COL23A1: variants seen among roughly 807,000 people sequenced by gnomAD.
COL23A1 encodes the protein collagen type XXIII alpha 1 chain.
A neutral mutation model predicts 99.3 loss-of-function variants in COL23A1; 97 were observed. The observed-to-expected ratio is 0.98, with a 90% CI of 0.83 to 1.16. The LOEUF (loss-of-function observed/expected upper bound fraction) is 1.16, where lower values mean the gene tolerates loss of function less well. Ranked by LOEUF, COL23A1 falls within the 50% of genes most tolerant of loss-of-function variation. The pLI, the probability that COL23A1 is intolerant of heterozygous loss-of-function variation, is 0.00. For synonymous variants in COL23A1, 320 were observed against 308.2 expected (o/e 1.04, Z -0.40); for missense variants, 762 against 757.4 (o/e 1.01, Z -0.07).
intron 3 of COL23A1, among the ~76,000 whole-genome samples, chr5:178,296,482 C>A (rs1757748388): frequency 6.6e-6 from 1 of 152,320 alleles, no homozygotes; most frequent in Admixed American, 6.5e-5. Context: ...ACTTCACGAC[C>A]CCCGCGGATC....
Position 178,332,069 on chromosome 5 carries a change from C to T in COL23A1, c.362-25150G>A, listed in dbSNP as rs761589427. The stretch of plus-strand genomic sequence containing the variant: ...CACTGTGTGCTCAGGAGCCTTCTGG[C>T]GGTGTGAAGGTCCTGCTCCGGGACT... On this transcript the variant is annotated intron_variant, in intron 2 of 28. Transcript: ENST00000390654. Among the ~76,000 whole-genome samples, 26 of 152,174 alleles carry T rather than the reference C, an allele frequency of 1.7e-4. 1 individual carries two copies. The highest frequency in any genetic ancestry group is 7.7e-4 in the East Asian group (4 of 5,180).
intron 2 of COL23A1, among the ~76,000 whole-genome samples, chr5:178,556,641 T>TAAAATAAAAG (rs1762289816): frequency 7.2e-6 from 1 of 139,592 alleles, no homozygotes; most frequent in Non-Finnish European, 1.5e-5. Flanking sequence ...TAAAATAAAA[T>TAAAATAAAAG]AAAATAAAAT....
Position 178,487,293 on chromosome 5 carries a change from TTTATTTATTTATTTA to T in COL23A1, c.361+73374_361+73388del, listed in dbSNP as rs1562015620. Among the ~76,000 whole-genome samples the T allele has an allele frequency of 3.2e-4, 39 of 122,506 alleles. No individual in the cohort carries two copies. In the South Asian group the frequency reaches 3.5e-3, roughly 11 times the overall value. The allele number at this position is 122,506 out of a possible 152,430, so 80.4% of individuals were successfully genotyped here. The stretch of plus-strand genomic sequence containing the variant: ...AGTCATGGTACCAGCCTCAGTTTTA[TTTATTTATTTATTTA>T]TTTATTTATTTATTTATTTATTTAT... On this transcript the variant is annotated intron_variant, in intron 2 of 28. Transcript: ENST00000390654.
chr5:178,484,650 C>T lies in COL23A1; in HGVS notation c.361+76032G>A, dbSNP rs146013462. Reference sequence around the variant, plus strand: ...CATCCTGGCTAACACGGTGAAACCCCGTCTCTAGTAAAAATACAAAAATCA... The same window carrying T: ...CATCCTGGCTAACACGGTGAAACCCTGTCTCTAGTAAAAATACAAAAATCA... On this transcript the variant is annotated intron_variant, in intron 2 of 28. Coordinates refer to ENST00000390654, the MANE Select transcript of COL23A1 (RefSeq NM_173465.4). Among the ~76,000 whole-genome samples the T allele has an allele frequency of 9.5e-3, 1,438 of 152,008 alleles. 27 individuals are homozygous for T. Among genetic ancestry groups the T allele is most frequent in the African/African-American group, 0.033 (1,362 of 41,472 alleles).
intron 2 of COL23A1, among the ~76,000 whole-genome samples, chr5:178,500,059 G>C (rs1002018293): frequency 4.6e-5 from 7 of 152,152 alleles, no homozygotes; most frequent in Non-Finnish European, 8.8e-5. Context: ...AATGGAGAGA[G>C]GGTGGGGAGG....
intron 9 of COL23A1, 66 bp from the exon 10 acceptor site, chr5:178,262,318 C>G: frequency 6.7e-7 from 1 of 1,488,568 alleles, no homozygotes; most frequent in Non-Finnish European, 9.2e-7. Flanking sequence ...GCCCAAATCT[C>G]AGGCCAGACC....
chr5:178,463,963 G>A (rs1056137666), intron 2 of COL23A1, among the ~76,000 whole-genome samples: 17 of 152,182 alleles, frequency 1.1e-4, no homozygotes, highest in African/African-American at 3.9e-4. Context: ...CCGGCCGGGC[G>A]TGAGCACAAC....
chr5:178,389,706 G>A (rs1372412550), intron 2 of COL23A1, among the ~76,000 whole-genome samples: 1 of 152,238 alleles, frequency 6.6e-6, no homozygotes, highest in Non-Finnish European at 1.5e-5. Context: ...TCCTCCAGAG[G>A]TGTTTTGTTC....
chr5:178,476,895 T>C (rs1757059248), intron 2 of COL23A1, among the ~76,000 whole-genome samples: 1 of 152,248 alleles, frequency 6.6e-6, no homozygotes, highest in Non-Finnish European at 1.5e-5. Context: ...CTTAAACTAC[T>C]TCTCTGAGAT....
chr5:178,256,394 C>T lies in COL23A1; in HGVS notation c.841G>A (p.Glu281Lys). ...CCATCCGTGCCTCGGTGGCCAGGCT[C>T]CCCCTGTGGAGACATGCATTTGCAG... is the stretch of plus-strand genomic sequence containing the variant. ...GVDGAPGPKG[E>K]PGHRGTDGAA... The change falls in exon 15 of 29, where the codon GAG (glutamate) becomes AAG (lysine). Residue 281 changes from glutamate (E) to lysine (K), a missense_variant. Glu to Lys is a moderately conservative substitution (Grantham distance 56). Transcript: ENST00000390654. The T allele has an allele frequency of 6.2e-7, 1 of 1,606,658 alleles. No individual in the cohort carries two copies. The highest frequency in any genetic ancestry group is 2.2e-5 in the East Asian group (1 of 44,764).
intron 2 of COL23A1, among the ~76,000 whole-genome samples, chr5:178,388,964 C>T (rs941391842): frequency 3.3e-5 from 5 of 152,174 alleles, no homozygotes; most frequent in Non-Finnish European, 7.3e-5. Context: ...GGAACCCTTT[C>T]CGCAGGGACA....
At chr5:178,560,159 T>C (rs946792003) in intron 2 of COL23A1, among the ~76,000 whole-genome samples, 1 of 152,242 alleles carries the variant, frequency 6.6e-6, no homozygotes, top group African/African-American at 2.4e-5. Context: ...CATCCTGGTC[T>C]GCACCAGCAA....
chr5:178,490,259 G>C (rs2127967924), intron 2 of COL23A1, among the ~76,000 whole-genome samples: 1 of 151,996 alleles, frequency 6.6e-6, no homozygotes, highest in South Asian at 2.1e-4. Flanking sequence ...CAAAAAATGA[G>C]AGAGAGAGAA....
chr5:178,531,474 G>A (rs546216681), intron 2 of COL23A1, among the ~76,000 whole-genome samples: 2 of 152,288 alleles, frequency 1.3e-5, no homozygotes, highest in African/African-American at 4.8e-5. Context: ...TAAGGATGGA[G>A]AGATGGAAAG....
At chr5:178,288,244 G>C (rs1757263030) in intron 5 of COL23A1, 80 bp downstream of exon 5, 2 of 1,183,474 alleles carry the variant, frequency 1.7e-6, no homozygotes, top group South Asian at 1.2e-5. Flanking sequence ...AGCGCAGACA[G>C]AGTTAAATCA....
intron 2 of COL23A1, among the ~76,000 whole-genome samples, chr5:178,385,627 T>A (rs1042006681): frequency 1.3e-5 from 2 of 152,178 alleles, no homozygotes; most frequent in African/African-American, 4.8e-5. Flanking sequence ...CCCCGAAGCT[T>A]CCCACAGACT....
At chr5:178,322,509 G>A (rs1472901888) in intron 2 of COL23A1, among the ~76,000 whole-genome samples, 4 of 152,184 alleles carry the variant, frequency 2.6e-5, no homozygotes, top group Admixed American at 6.5e-5. Flanking sequence ...TCCCAAAGGG[G>A]AAAGATCTGG....
intron 28 of COL23A1, 136 bp downstream of exon 28, chr5:178,239,005 G>C: frequency 9.9e-7 from 1 of 1,009,538 alleles, no homozygotes; most frequent in South Asian, 1.4e-5. Context: ...TGGGAAACCT[G>C]GCTATTCAGT....
intron 27 of COL23A1, among the ~76,000 whole-genome samples, chr5:178,240,928 A>C (rs953779663): frequency 6.6e-6 from 1 of 152,104 alleles, no homozygotes; most frequent in Non-Finnish European, 1.5e-5. Context: ...GTGACATGTA[A>C]ACCCTCCCTA....
Sources: gnomAD v4.1 joint callset for allele counts (sites outside exome capture counted in the v4.1 genomes callset) on GRCh38, gnomAD v4.1.1 for gene constraint, MANE v1.5 for transcripts, NCBI Gene and HGNC (gene_info 2026-07-23, HGNC 2026-07-21) for gene names.